FRMD4A: variants seen among roughly 807,000 people sequenced by gnomAD.
The protein encoded by FRMD4A is FERM domain containing 4A.
FRMD4A carries 29 observed loss-of-function variants against 129.1 expected under a neutral mutation model. The observed-to-expected ratio is 0.22, with a 90% CI of 0.17 to 0.31. The LOEUF is 0.31. Among genes scored for constraint, FRMD4A ranks in the 10% least tolerant of loss-of-function variants. FRMD4A has a pLI of 1.00. For missense variants in FRMD4A, 1,272 were observed against 1,375.8 expected, an observed-to-expected ratio of 0.92 and a Z score of 1.19; for synonymous variants, 634 against 571.6, an observed-to-expected ratio of 1.11 and a Z score of -1.56.
intron 2 of FRMD4A, among the ~76,000 whole-genome samples, chr10:14,011,136 C>T (rs2095680801): frequency 6.6e-6 from 1 of 152,184 alleles, no homozygotes; most frequent in Admixed American, 6.5e-5. Context: ...GCCTGTCCTA[C>T]AGGACTTTAT....
intron 2 of FRMD4A, among the ~76,000 whole-genome samples, chr10:13,905,243 G>A (rs2094869770): frequency 6.6e-6 from 1 of 152,070 alleles, no homozygotes; most frequent in African/African-American, 2.4e-5. Context: ...TAATAATAGA[G>A]CAGGTCTAGT....
chr10:14,301,003 C>T (rs1020652720), intron 2 of FRMD4A, among the ~76,000 whole-genome samples: 2 of 152,184 alleles, frequency 1.3e-5, no homozygotes, highest in Non-Finnish European at 2.9e-5. Flanking sequence ...ATCTAACCTC[C>T]AGGAGGGATG....
chr10:13,660,422 G>A lies in FRMD4A; in HGVS notation c.1792C>T (p.Arg598Cys), dbSNP rs767134995. 7.4e-6 allele frequency: 12 copies of A among 1,613,874 alleles called. No homozygotes were observed. Among genetic ancestry groups the A allele is most frequent in the South Asian group, 4.4e-5 (4 of 91,082 alleles). The change falls in exon 20 of 25, where the codon CGC (arginine) becomes TGC (cysteine). Residue 598 changes from arginine to cysteine, a missense_variant. Physicochemically the swap from Arg to Cys is radical, Grantham distance 180. Around this residue, in one of 2 missense-constraint regions of FRMD4A, gnomAD observed 972 missense variants for 892.3 expected, o/e 1.09. Coordinates refer to ENST00000357447, the MANE Select transcript of FRMD4A (RefSeq NM_018027.5). ...LEGLRQMHYH[R>C]NDYDKSPIKP... The stretch of plus-strand genomic sequence containing the variant: ...ATGGGTGACTTGTCATAGTCGTTGC[G>A]GTGATAGTGCATCTGTCGGAGTCCC...
In FRMD4A at chr10:13,982,937, C is replaced by T. The variant is rs371802015; in HGVS notation, c.46-124025G>A. ...CAAGAAGTCCCTCTATTTGCAGGTC[C>T]TCTTTGTCCTGTCAATTTCTTTCTT... On this transcript the variant is annotated intron_variant, in intron 2 of 24. Transcript: ENST00000357447. Among the ~76,000 whole-genome samples the T allele has an allele frequency of 3.9e-5, 6 of 152,226 alleles. No individual in the cohort carries two copies. In the East Asian group the frequency reaches 7.7e-4, roughly 20 times the overall value.
chr10:13,684,760 C>T (rs1205480571), intron 15 of FRMD4A: 4 of 984,346 alleles, frequency 4.1e-6, no homozygotes, highest in Non-Finnish European at 4.8e-6. Context: ...GGGTGCTTTC[C>T]TCTCTGGAAG....
At chr10:13,963,903 T>A (rs1181917907) in intron 2 of FRMD4A, among the ~76,000 whole-genome samples, 1 of 152,096 alleles carries the variant, frequency 6.6e-6, no homozygotes, top group African/African-American at 2.4e-5. Flanking sequence ...AGGACTCTCC[T>A]CAAATTCCTA....
chr10:13,729,956 C>G (rs2090209344), intron 12 of FRMD4A, among the ~76,000 whole-genome samples: 1 of 152,202 alleles, frequency 6.6e-6, no homozygotes, highest in Non-Finnish European at 1.5e-5. Flanking sequence ...ACAATATTTG[C>G]TCTAATGCTT....
chr10:14,260,316 G>A lies in FRMD4A; in HGVS notation c.45+69742C>T, dbSNP rs181437054. Among the ~76,000 whole-genome samples, 226 of 152,290 alleles carry A rather than the reference G, an allele frequency of 1.5e-3. 1 individual carries two copies. Among genetic ancestry groups the A allele is most frequent in the African/African-American group, 4.9e-3 (203 of 41,558 alleles). On this transcript the variant is annotated intron_variant, in intron 2 of 24. Transcript: ENST00000357447. ...ATTTATCCTTGAGTAAACTAGCAGAGTTTTAGTTCCCACAAGCAAAACTAT... is the reference window on the plus strand; with the variant it reads ...ATTTATCCTTGAGTAAACTAGCAGAATTTTAGTTCCCACAAGCAAAACTAT...
chr10:13,733,835 A>C (rs1264423725), intron 12 of FRMD4A, among the ~76,000 whole-genome samples: 1 of 152,154 alleles, frequency 6.6e-6, no homozygotes, highest in Non-Finnish European at 1.5e-5. Context: ...TCTGCATCTC[A>C]CCGTGATCGT....
At chr10:14,273,800 A>G (rs1589252788) in intron 2 of FRMD4A, among the ~76,000 whole-genome samples, 1 of 152,174 alleles carries the variant, frequency 6.6e-6, no homozygotes, top group African/African-American at 2.4e-5. Flanking sequence ...ATAAAAATTG[A>G]TGGATATTGA....
At chr10:14,052,719 T>C (rs531619318) in intron 2 of FRMD4A, among the ~76,000 whole-genome samples, 2 of 123,124 alleles carry the variant, frequency 1.6e-5, no homozygotes, top group South Asian at 5.5e-4. Context: ...CCACCATAAC[T>C]GGCTATTTTT....
chr10:13,841,890 C>G (rs79324319), intron 3 of FRMD4A, among the ~76,000 whole-genome samples: 1 of 152,324 alleles, frequency 6.6e-6, no homozygotes, highest in African/African-American at 2.4e-5. Flanking sequence ...AACCTTGCAG[C>G]TGGCATCCAA....
At chr10:14,187,397 C>A (rs1842182027) in intron 2 of FRMD4A, among the ~76,000 whole-genome samples, 2 of 152,198 alleles carry the variant, frequency 1.3e-5, no homozygotes, top group Non-Finnish European at 2.9e-5. Flanking sequence ...CCTTGCTAAT[C>A]TGATGTTCTT....
intron 12 of FRMD4A, among the ~76,000 whole-genome samples, chr10:13,735,194 G>A (rs7900357): frequency 0.69 from 105,046 of 152,142 alleles, 37,108 homozygotes; most frequent in Middle Eastern, 0.77. Flanking sequence ...TTTTTTGAGC[G>A]AATGAATGAG....
At chr10:13,855,429 A>G (rs2094200066) in intron 3 of FRMD4A, among the ~76,000 whole-genome samples, 1 of 152,108 alleles carries the variant, frequency 6.6e-6, no homozygotes, top group Non-Finnish European at 1.5e-5. Flanking sequence ...CCATCTTATT[A>G]ATATCTTTCA....
intron 5 of FRMD4A, among the ~76,000 whole-genome samples, chr10:13,787,172 T>C (rs1412008088): frequency 6.6e-6 from 1 of 152,170 alleles, no homozygotes; most frequent in Non-Finnish European, 1.5e-5. Flanking sequence ...TCGACGGAAG[T>C]GGAAAGCAGT....
intron 2 of FRMD4A, among the ~76,000 whole-genome samples, chr10:14,290,961 C>T (rs1845833446): frequency 6.6e-6 from 1 of 152,006 alleles, no homozygotes. Context: ...AGTGTAATTA[C>T]TGGACATTTC....
At chr10:14,060,488 T>G (rs1173602118) in intron 2 of FRMD4A, among the ~76,000 whole-genome samples, 1 of 152,192 alleles carries the variant, frequency 6.6e-6, no homozygotes, top group African/African-American at 2.4e-5. Flanking sequence ...AGTGGACTAC[T>G]TGGGAAGCCA....
intron 2 of FRMD4A, among the ~76,000 whole-genome samples, chr10:14,200,800 T>A (rs923346972): frequency 2.0e-5 from 3 of 152,150 alleles, no homozygotes; most frequent in Non-Finnish European, 1.5e-5. Flanking sequence ...TGGGCTGAGC[T>A]TACAGGGAAG....
Sources: gnomAD v4.1 joint callset for allele counts (sites outside exome capture counted in the v4.1 genomes callset) on GRCh38, gnomAD v4.1.1 for gene constraint, gnomAD v4.1.1 regional missense constraint, MANE v1.5 for transcripts, NCBI Gene and HGNC (gene_info 2026-07-23, HGNC 2026-07-21) for gene names.